Variants in DGCR2 observed in about 807,000 individuals in gnomAD.
The protein encoded by DGCR2 is DiGeorge syndrome critical region gene 2.
DGCR2 carries 24 observed loss-of-function variants against 51.6 expected under a neutral mutation model. The observed-to-expected ratio is 0.47, with a 90% confidence interval of 0.34 to 0.65. DGCR2 has a LOEUF of 0.65. Among genes scored for constraint, DGCR2 ranks in the 30% least tolerant of loss-of-function variants. The pLI, the probability that DGCR2 is intolerant of heterozygous loss-of-function variation, is 0.01. For missense variants in DGCR2, 765 were observed against 772.1 expected (o/e 0.99, Z 0.11); for synonymous variants, 340 against 315.4 (o/e 1.08, Z -0.82).
intron 1 of DGCR2, among the ~76,000 whole-genome samples, chr22:19,121,215 T>C (rs1307158601): frequency 6.6e-6 from 1 of 152,242 alleles, no homozygotes; most frequent in Non-Finnish European, 1.5e-5. Context: ...TCATGCTTTT[T>C]CACTGTATTA....
At chr22:19,106,558 A>G (rs1248137597) in intron 1 of DGCR2, among the ~76,000 whole-genome samples, 1 of 152,150 alleles carries the variant, frequency 6.6e-6, no homozygotes, top group African/African-American at 2.4e-5. Flanking sequence ...CTCCTCACCC[A>G]TGAGGGCCCA....
intron 1 of DGCR2, among the ~76,000 whole-genome samples, chr22:19,096,356 G>C (rs2083139431): frequency 6.6e-6 from 1 of 152,082 alleles, no homozygotes; most frequent in African/African-American, 2.4e-5. Flanking sequence ...GAAAGGCAGA[G>C]GTGAGAAAAA....
chr22:19,048,688 A>G, intron 6 of DGCR2, 45 bp from the exon 7 acceptor site: 1 of 1,593,564 alleles, frequency 6.3e-7, no homozygotes, highest in African/African-American at 1.3e-5. Context: ...AATGCCAAAA[A>G]AGGTAGCCTC....
chr22:19,072,596 G>A (rs983680421), intron 2 of DGCR2, among the ~76,000 whole-genome samples: 5 of 152,276 alleles, frequency 3.3e-5, no homozygotes, highest in Middle Eastern at 3.4e-3. Context: ...AGCATGGACC[G>A]GGCACGGTGC....
intron 6 of DGCR2, 62 bp downstream of exon 6, chr22:19,056,924 G>T (rs1386601472): frequency 1.3e-6 from 2 of 1,483,262 alleles, no homozygotes; most frequent in Non-Finnish European, 1.8e-6. Context: ...TGAACTCAGG[G>T]TCCAACAAAG....
intron 1 of DGCR2, among the ~76,000 whole-genome samples, chr22:19,119,719 G>A (rs1473072490): frequency 7.3e-6 from 1 of 137,184 alleles, no homozygotes; most frequent in Non-Finnish European, 1.5e-5. Flanking sequence ...CTGAGCAACA[G>A]AGCAGGACTC....
At chr22:19,102,451 C>T (rs903818508) in intron 1 of DGCR2, among the ~76,000 whole-genome samples, 12 of 151,982 alleles carry the variant, frequency 7.9e-5, no homozygotes, top group African/African-American at 2.2e-4. Flanking sequence ...GCCTGTAATC[C>T]CAGCACTTTG....
intron 2 of DGCR2, among the ~76,000 whole-genome samples, chr22:19,071,912 C>T (rs5993498): frequency 0.02 from 3,007 of 152,132 alleles, 100 homozygotes; most frequent in African/African-American, 0.067. Flanking sequence ...AGAGCAACTG[C>T]GGCAGGTGAA....
chr22:19,036,956 TC>T lies in DGCR2; in HGVS notation c.*1908del. ...ACACAGTTCTGAGGCCTGGCAGGAA[TC>T]CTCTGAGCTCTCAGGCTCAGGCCCG... On this transcript the variant is annotated 3_prime_UTR_variant, in exon 10 of 10. Coordinates refer to ENST00000263196, the MANE Select transcript of DGCR2 (RefSeq NM_005137.3). The T allele has an allele frequency of 6.6e-6, 1 of 152,154 alleles. No individual in the cohort carries two copies. The highest frequency in any genetic ancestry group is 1.5e-5 in the Non-Finnish European group (1 of 68,098). The allele number at this position is 152,154 out of a possible 1,614,324, so 9.4% of individuals were successfully genotyped here.
intron 2 of DGCR2, among the ~76,000 whole-genome samples, chr22:19,071,037 G>A (rs1253078351): frequency 1.3e-5 from 2 of 152,216 alleles, no homozygotes; most frequent in African/African-American, 4.8e-5. Context: ...CTCTTCCCGC[G>A]GAGGGCCAGC....
chr22:19,112,270 C>CT (rs1190278354), intron 1 of DGCR2, among the ~76,000 whole-genome samples: 5 of 107,578 alleles, frequency 4.6e-5, no homozygotes, highest in African/African-American at 2.1e-4. Context: ...AAGACTCCAT[C>CT]TTTTAAAAAA....
At chr22:19,056,644 G>A (rs1373050655) in intron 6 of DGCR2, 1 of 393,268 alleles carries the variant, frequency 2.5e-6, no homozygotes, top group African/African-American at 2.1e-5. Flanking sequence ...GGGGGGTGGG[G>A]AGGTGACAAA....
Position 19,068,211 on chromosome 22 carries a change from C to A in DGCR2, c.217G>T (p.Val73Leu). ...GCCTCCTTCCCATGATGAGGACGCA[C>A]CTCCCCGGTCACTTCTGAAAGCAAA... is the stretch of plus-strand genomic sequence containing the variant. ...EANCPEVTGE[V>L]RPHHGKEAVD... Residue 73 changes from valine to leucine, a missense_variant, in exon 3 of 10, where the codon GTG becomes TTG. Transcript: ENST00000263196. 1 of 1,602,074 alleles carries A rather than the reference C, an allele frequency of 6.2e-7. No individual in the cohort carries two copies. Among genetic ancestry groups the A allele is most frequent in the Non-Finnish European group, 8.5e-7 (1 of 1,174,504 alleles).
intron 8 of DGCR2, 136 bp downstream of exon 8, chr22:19,041,671 G>A: frequency 9.6e-7 from 1 of 1,046,704 alleles, no homozygotes; most frequent in South Asian, 1.5e-5. Flanking sequence ...CCACAGGTGA[G>A]GACACAGACC....
intron 1 of DGCR2, among the ~76,000 whole-genome samples, chr22:19,116,742 C>G (rs776568413): frequency 3.3e-5 from 5 of 152,120 alleles, no homozygotes; most frequent in African/African-American, 4.8e-5. Context: ...AAATGCCAAT[C>G]GGGTCGTCCT....
intron 5 of DGCR2, chr22:19,060,812 G>A (rs772372445): frequency 4.0e-6 from 2 of 499,374 alleles, no homozygotes; most frequent in African/African-American, 2.0e-5. Context: ...GCTGGTGTGG[G>A]CCTGGGGGAG....
chr22:19,110,397 C>T (rs942606343), intron 1 of DGCR2, among the ~76,000 whole-genome samples: 2 of 152,042 alleles, frequency 1.3e-5, no homozygotes, highest in East Asian at 1.9e-4. Flanking sequence ...GTCAGGGCTG[C>T]GGCACCTGGA....
chr22:19,063,160 T>A, intron 5 of DGCR2, 42 bp downstream of exon 5: 1 of 1,587,420 alleles, frequency 6.3e-7, no homozygotes, highest in South Asian at 1.1e-5. Context: ...TCAGGGTGAC[T>A]CTGCCCAGCT....
At chr22:19,097,136 G>A (rs2146026648) in intron 1 of DGCR2, among the ~76,000 whole-genome samples, 1 of 152,094 alleles carries the variant, frequency 6.6e-6, no homozygotes, top group East Asian at 1.9e-4. Context: ...GGCAAACAAG[G>A]CCCCTTCCCC....
Sources: allele counts gnomAD v4.1 joint callset (sites outside exome capture counted in the v4.1 genomes callset), GRCh38; gene constraint gnomAD v4.1.1; transcripts MANE v1.5; gene names NCBI Gene and HGNC (gene_info 2026-07-23, HGNC 2026-07-21).